Variants in LIN52 observed in about 807,000 individuals in gnomAD.
LIN52 encodes the protein protein lin-52 homolog.
Under a neutral mutation model 18.5 loss-of-function variants are expected in LIN52, and 4 were observed. The ratio of observed to expected loss-of-function variants is 0.22; its 90% CI spans 0.11 to 0.49. LIN52 has a LOEUF of 0.49. Among genes scored for constraint, LIN52 ranks in the 20% least tolerant of loss-of-function variants. The probability of loss-of-function intolerance (pLI) is 0.97; values close to 1 mark genes in which losing one functional copy is unlikely to be tolerated. For missense variants in LIN52, 102 were observed against 139.5 expected, an observed-to-expected ratio of 0.73 and a Z score of 1.35; for synonymous variants, 34 against 45.5, an observed-to-expected ratio of 0.75 and a Z score of 1.02.
At position 74,200,766 on chromosome 14, in the gene LIN52, C is replaced by T. The variant is rs927367646; in HGVS notation, c.*1789C>T. On this transcript the variant is annotated 3_prime_UTR_variant, in exon 6 of 6. Coordinates refer to ENST00000555028, the MANE Select transcript of LIN52 (RefSeq NM_001024674.3). ...TTTGATTTTAATTTAAACTTATTAT[C>T]GATTGATATTTCTGTATCTCACTAA... 9 of 152,110 alleles carry T rather than the reference C, an allele frequency of 5.9e-5. No individual in the cohort carries two copies. The highest frequency in any genetic ancestry group is 1.4e-4 in the African/African-American group (6 of 41,418). The allele number at this position is 152,110 out of a possible 1,614,324, so 9.4% of individuals were successfully genotyped here. A position where few individuals can be genotyped will look rare whatever the true frequency, so the allele number is the denominator to read the frequency against.
At chr14:74,165,671 A>G (rs1011878236) in intron 5 of LIN52, among the ~76,000 whole-genome samples, 1 of 148,930 alleles carries the variant, frequency 6.7e-6, no homozygotes, top group South Asian at 2.1e-4. Flanking sequence ...ACCACGCCTG[A>G]CTAATTTTTG....
intron 5 of LIN52, among the ~76,000 whole-genome samples, chr14:74,109,497 G>T (rs1256998618): frequency 6.6e-6 from 1 of 152,192 alleles, no homozygotes; most frequent in African/African-American, 2.4e-5. Flanking sequence ...CCGTAAATGT[G>T]AAGGTTTATT....
At chr14:74,162,586 G>C (rs1406393680) in intron 5 of LIN52, among the ~76,000 whole-genome samples, 1 of 151,608 alleles carries the variant, frequency 6.6e-6, no homozygotes, top group Non-Finnish European at 1.5e-5. Flanking sequence ...TAGAGATGGG[G>C]TATCATTATG....
chr14:74,090,716 C>G (rs754070320), intron 1 of LIN52, among the ~76,000 whole-genome samples: 29 of 152,120 alleles, frequency 1.9e-4, no homozygotes, highest in Non-Finnish European at 3.8e-4. Context: ...TAAAGAGTTA[C>G]TTATTTTGTA....
At chr14:74,103,379 T>C (rs1051480918) in intron 5 of LIN52, among the ~76,000 whole-genome samples, 6 of 150,294 alleles carry the variant, frequency 4.0e-5, no homozygotes, top group Admixed American at 2.0e-4. Context: ...ACACCTGACA[T>C]ATTGTTTTTT....
At chr14:74,121,689 G>A (rs1294999093) in intron 5 of LIN52, among the ~76,000 whole-genome samples, 4 of 151,358 alleles carry the variant, frequency 2.6e-5, no homozygotes, top group Admixed American at 2.0e-4. Flanking sequence ...CAAGAAAACA[G>A]TGAGTTAAGG....
chr14:74,161,090 G>T (rs919869857), intron 5 of LIN52, among the ~76,000 whole-genome samples: 6 of 152,200 alleles, frequency 3.9e-5, no homozygotes, highest in African/African-American at 1.4e-4. Flanking sequence ...TTTGGGGATA[G>T]ACCTTAATTA....
At chr14:74,178,172 G>T (rs1459369816) in intron 5 of LIN52, among the ~76,000 whole-genome samples, 1 of 152,156 alleles carries the variant, frequency 6.6e-6, no homozygotes, top group Non-Finnish European at 1.5e-5. Flanking sequence ...TTAAAATGCT[G>T]AATAGATTTC....
At chr14:74,137,790 G>A (rs572002414) in intron 5 of LIN52, among the ~76,000 whole-genome samples, 10 of 152,122 alleles carry the variant, frequency 6.6e-5, no homozygotes, top group African/African-American at 7.2e-5. Context: ...GAGCCACCGC[G>A]CCTGGCCTCA....
chr14:74,146,737 AG>A (rs1483654455), intron 5 of LIN52, among the ~76,000 whole-genome samples: 2 of 152,222 alleles, frequency 1.3e-5, no homozygotes, highest in African/African-American at 4.8e-5. Flanking sequence ...ATCTTGAAAA[AG>A]AACAAAGTTG....
At chr14:74,155,975 T>G (rs2061197535) in intron 5 of LIN52, among the ~76,000 whole-genome samples, 1 of 152,180 alleles carries the variant, frequency 6.6e-6, no homozygotes, top group Non-Finnish European at 1.5e-5. Flanking sequence ...TAGATAAATG[T>G]TCCCTCCCCT....
intron 5 of LIN52, among the ~76,000 whole-genome samples, chr14:74,107,583 G>A (rs151030995): frequency 0.01 from 1,573 of 151,960 alleles, 12 homozygotes; most frequent in Middle Eastern, 0.027. Flanking sequence ...CATTCTTCTT[G>A]GAGATTTTTG....
At chr14:74,181,128 A>G (rs10144125) in intron 5 of LIN52, among the ~76,000 whole-genome samples, 83,718 of 139,856 alleles carry the variant, frequency 0.6, 26,402 homozygotes, top group Admixed American at 0.68. Flanking sequence ...AAAAAAAAAA[A>G]GAAAAAAGAA....
At chr14:74,095,802 C>T (rs1373831757) in intron 2 of LIN52, 146 bp from the exon 3 acceptor site, 5 of 496,506 alleles carry the variant, frequency 1.0e-5, no homozygotes, top group Non-Finnish European at 1.4e-5. Flanking sequence ...TCTTTGAGGA[C>T]TGAAACAGTG....
intron 5 of LIN52, among the ~76,000 whole-genome samples, chr14:74,116,709 TAA>T (rs1299222959): frequency 1.2e-4 from 15 of 122,082 alleles, no homozygotes; most frequent in Non-Finnish European, 8.7e-5. Context: ...ACTATGTCTC[TAA>T]AAAAAAAAAA....
chr14:74,180,242 G>A (rs896242605), intron 5 of LIN52, among the ~76,000 whole-genome samples: 19 of 150,302 alleles, frequency 1.3e-4, no homozygotes, highest in African/African-American at 3.7e-4. Context: ...AAACTTAAGC[G>A]CTCAAAGGAG....
At position 74,096,563 on chromosome 14, in the gene LIN52, G is replaced by A. The variant is rs533932570; in HGVS notation, c.132+578G>A. ...GAGTTGATTTGGAGGTAAATGACTTGATGCATGTAAAGTGTTTTGCTTGTC... is the reference window on the plus strand; with the variant it reads ...GAGTTGATTTGGAGGTAAATGACTTAATGCATGTAAAGTGTTTTGCTTGTC... On this transcript the variant is annotated intron_variant, in intron 3 of 5. Transcript: ENST00000555028. 2.0e-5 allele frequency among the ~76,000 whole-genome samples: 3 copies of A among 151,862 alleles called. No homozygotes were observed. In the South Asian group the frequency reaches 6.3e-4, roughly 32 times the overall value.
intron 1 of LIN52, among the ~76,000 whole-genome samples, chr14:74,085,800 C>T (rs757216579): frequency 6.6e-6 from 1 of 152,088 alleles, no homozygotes. Flanking sequence ...ATTTTTAGTT[C>T]TACCATCCTC....
chr14:74,154,902 A>G (rs945527558), intron 5 of LIN52, among the ~76,000 whole-genome samples: 4 of 152,316 alleles, frequency 2.6e-5, no homozygotes, highest in South Asian at 2.1e-4. Context: ...GAGGTCCTCA[A>G]TTCTACTCCA....
Sources: gnomAD v4.1 joint callset for allele counts (sites outside exome capture counted in the v4.1 genomes callset) on GRCh38, gnomAD v4.1.1 for gene constraint, MANE v1.5 for transcripts, NCBI Gene and HGNC (gene_info 2026-07-23, HGNC 2026-07-21) for gene names.